IMMP2L: variants seen among roughly 807,000 people sequenced by gnomAD.
IMMP2L encodes inner mitochondrial membrane peptidase subunit 2.
Under a neutral mutation model 19.3 loss-of-function variants are expected in IMMP2L, and 18 were observed. The observed-to-expected ratio is 0.93, with a 90% CI of 0.64 to 1.38. The LOEUF (loss-of-function observed/expected upper bound fraction) is 1.38, where lower values mean the gene tolerates loss of function less well. IMMP2L is among the 40% of genes most tolerant of loss of function. IMMP2L has a pLI of 0.00. For missense variants in IMMP2L, 233 were observed against 218.2 expected (o/e 1.07, Z -0.43); for synonymous variants, 76 against 73.0 (o/e 1.04, Z -0.21).
chr7:111,241,058 T>G (rs953788931), intron 3 of IMMP2L, among the ~76,000 whole-genome samples: 2 of 152,008 alleles, frequency 1.3e-5, no homozygotes. Context: ...CGGAAAACCT[T>G]TAAGATAACA....
chr7:111,180,110 T>C (rs1255789562), intron 3 of IMMP2L, among the ~76,000 whole-genome samples: 1 of 152,086 alleles, frequency 6.6e-6, no homozygotes, highest in East Asian at 1.9e-4. Flanking sequence ...CATTTGTGTG[T>C]TCACCAGAGT....
chr7:111,311,922 T>C (rs1318308479), intron 3 of IMMP2L, among the ~76,000 whole-genome samples: 1 of 152,146 alleles, frequency 6.6e-6, no homozygotes, highest in Non-Finnish European at 1.5e-5. Context: ...TCCATTAAAA[T>C]GAGAGAGTCT....
intron 3 of IMMP2L, among the ~76,000 whole-genome samples, chr7:111,263,461 A>C (rs972263492): frequency 2.0e-5 from 3 of 152,170 alleles, no homozygotes; most frequent in Admixed American, 2.0e-4. Flanking sequence ...AACCATGGGA[A>C]ACAGCTTAAA....
chr7:110,832,774 G>A (rs1584966172), intron 5 of IMMP2L, among the ~76,000 whole-genome samples: 4 of 152,098 alleles, frequency 2.6e-5, no homozygotes, highest in African/African-American at 9.6e-5. Context: ...AATTACTGGA[G>A]TATGAGAATG....
intron 5 of IMMP2L, among the ~76,000 whole-genome samples, chr7:110,731,216 A>G (rs1251942149): frequency 1.3e-5 from 2 of 152,186 alleles, no homozygotes; most frequent in Non-Finnish European, 2.9e-5. Flanking sequence ...CTACTTTTTT[A>G]ATCTAGAGAA....
At chr7:111,091,470 T>C (rs1450569690) in intron 3 of IMMP2L, 1 of 152,182 alleles carries the variant, frequency 6.6e-6, no homozygotes, top group African/African-American at 2.4e-5. Flanking sequence ...CGCAAGGACA[T>C]CGGAGGTGGG....
chr7:110,806,353 A>T (rs1323644786), intron 5 of IMMP2L, among the ~76,000 whole-genome samples: 1 of 151,976 alleles, frequency 6.6e-6, no homozygotes, highest in East Asian at 1.9e-4. Context: ...CATTTAACTC[A>T]TGGAAACATT....
intron 4 of IMMP2L, among the ~76,000 whole-genome samples, chr7:110,888,168 A>G (rs760297259): frequency 1.4e-4 from 22 of 152,166 alleles, no homozygotes; most frequent in Non-Finnish European, 1.3e-4. Context: ...TATTGCGAAG[A>G]AAGTTTTCAG....
rs545784373 is a variant in IMMP2L, at chr7:111,423,253, T to A, written c.239+63985A>T. Among the ~76,000 whole-genome samples, 4 of 152,026 alleles carry A rather than the reference T, an allele frequency of 2.6e-5. 1 individual carries two copies. The East Asian group carries it at 7.7e-4, about 29-fold the overall frequency. On this transcript the variant is annotated intron_variant, in intron 3 of 5. Transcript: ENST00000405709. ...ATAAAATGAGTTAAGGAGGATTCCC[T>A]CTTTTTCTATTGAATGGAATAGTTT...
At chr7:111,455,072 G>A (rs922964617) in intron 3 of IMMP2L, among the ~76,000 whole-genome samples, 7 of 151,792 alleles carry the variant, frequency 4.6e-5, no homozygotes, top group African/African-American at 1.7e-4. Context: ...GTCAGAATAT[G>A]AGCCTCACAT....
intron 4 of IMMP2L, among the ~76,000 whole-genome samples, chr7:110,893,297 C>A (rs944452476): frequency 1.3e-5 from 2 of 152,026 alleles, no homozygotes; most frequent in Non-Finnish European, 2.9e-5. Flanking sequence ...TTGCCACAAA[C>A]CTTACATTTA....
At chr7:111,465,117 T>A (rs1840503785) in intron 3 of IMMP2L, among the ~76,000 whole-genome samples, 1 of 152,132 alleles carries the variant, frequency 6.6e-6, no homozygotes, top group East Asian at 1.9e-4. Context: ...TCTTTAAATT[T>A]TCCTATGTAA....
chr7:110,872,931 G>T (rs547810445), intron 5 of IMMP2L, among the ~76,000 whole-genome samples: 1 of 152,088 alleles, frequency 6.6e-6, no homozygotes, highest in South Asian at 2.1e-4. Flanking sequence ...ATCTGGTAGG[G>T]GTAAATGCCA....
At chr7:111,362,244 A>G (rs770528728) in intron 3 of IMMP2L, among the ~76,000 whole-genome samples, 26 of 152,100 alleles carry the variant, frequency 1.7e-4, no homozygotes, top group Non-Finnish European at 3.5e-4. Context: ...AATCGTTTTT[A>G]TTTCTAAAAG....
chr7:111,084,328 A>G (rs1389173259), intron 3 of IMMP2L, among the ~76,000 whole-genome samples: 1 of 151,838 alleles, frequency 6.6e-6, no homozygotes, highest in Non-Finnish European at 1.5e-5. Context: ...AGAAAGGAAA[A>G]AAGAAGAAAG....
chr7:111,455,342 T>A (rs1839586870), intron 3 of IMMP2L, among the ~76,000 whole-genome samples: 1 of 151,672 alleles, frequency 6.6e-6, no homozygotes, highest in Non-Finnish European at 1.5e-5. Context: ...TAATAAAGTC[T>A]TTGATACCCA....
At chr7:111,024,749 C>T (rs1826644211) in intron 3 of IMMP2L, among the ~76,000 whole-genome samples, 1 of 152,126 alleles carries the variant, frequency 6.6e-6, no homozygotes. Flanking sequence ...AACCAAATAA[C>T]TAGAACATAT....
chr7:110,821,296 T>C (rs548387398), intron 5 of IMMP2L, among the ~76,000 whole-genome samples: 1 of 152,242 alleles, frequency 6.6e-6, no homozygotes, highest in African/African-American at 2.4e-5. Context: ...TTCTAACCAT[T>C]ACACAGCACT....
At chr7:111,261,717 A>T (rs1275116012) in intron 3 of IMMP2L, among the ~76,000 whole-genome samples, 1 of 152,178 alleles carries the variant, frequency 6.6e-6, no homozygotes, top group Non-Finnish European at 1.5e-5. Flanking sequence ...ATCATCAAGG[A>T]GCTAGTTATT....
Sources: allele counts gnomAD v4.1 joint callset (sites outside exome capture counted in the v4.1 genomes callset), GRCh38; gene constraint gnomAD v4.1.1; transcripts MANE v1.5; gene names NCBI Gene and HGNC (gene_info 2026-07-23, HGNC 2026-07-21).